Variants in PRR16 observed in about 807,000 individuals in gnomAD.
PRR16 encodes proline rich 16, also known as protein Largen.
In PRR16, 6 loss-of-function variants were observed where a neutral mutation model predicts 18.2. The ratio of observed to expected loss-of-function variants is 0.33; its 90% CI spans 0.18 to 0.65. PRR16 has a LOEUF of 0.65. Ranked by LOEUF, PRR16 falls within the 30% of genes least tolerant of loss-of-function variation. The pLI is 0.74. For missense variants in PRR16, 412 were observed against 376.6 expected, an observed-to-expected ratio of 1.09 and a Z score of -0.78; for synonymous variants, 151 against 147.8, an observed-to-expected ratio of 1.02 and a Z score of -0.16.
chr5:120,627,321 A>G (rs74467953), intron 1 of PRR16, among the ~76,000 whole-genome samples: 8,694 of 152,196 alleles, frequency 0.057, 302 homozygotes, highest in South Asian at 0.082. Context: ...AAATTAGTAG[A>G]TACTTAACAA....
chr5:120,705,891 G>A, the PRR16 span, among the ~76,000 whole-genome samples: 1 of 152,088 alleles, frequency 6.6e-6, no homozygotes, highest in Non-Finnish European at 1.5e-5. Context: ...TAAAAAATAT[G>A]AAGTATTCTA....
chr5:120,525,503 A>C (rs1419928529), intron 1 of PRR16, among the ~76,000 whole-genome samples: 1 of 152,022 alleles, frequency 6.6e-6, no homozygotes, highest in East Asian at 1.9e-4. Context: ...AATATATTAA[A>C]TAGAAGTTTT....
At chr5:120,516,708 A>G (rs577850688) in intron 1 of PRR16, among the ~76,000 whole-genome samples, 2 of 152,280 alleles carry the variant, frequency 1.3e-5, no homozygotes, top group African/African-American at 4.8e-5. Flanking sequence ...AGCAGAATAC[A>G]CTGAAAAACT....
chr5:120,703,997 A>G, the PRR16 span, among the ~76,000 whole-genome samples: 2 of 152,192 alleles, frequency 1.3e-5, no homozygotes, highest in Non-Finnish European at 2.9e-5. Flanking sequence ...GATACTGATG[A>G]TACAGCTGGA....
At chr5:120,664,020 C>T (rs969641028) in intron 1 of PRR16, among the ~76,000 whole-genome samples, 11 of 152,166 alleles carry the variant, frequency 7.2e-5, no homozygotes, top group Non-Finnish European at 5.9e-5. Context: ...CAAATCTGGC[C>T]GGGCGCGGTG....
the PRR16 span, among the ~76,000 whole-genome samples, chr5:120,755,219 AAAAT>A: frequency 1.3e-5 from 2 of 151,960 alleles, no homozygotes; most frequent in African/African-American, 4.8e-5. Context: ...AAATCTAAAA[AAAAT>A]AAAAAATAAT....
At chr5:120,668,893 T>G (rs1461679820) in intron 1 of PRR16, among the ~76,000 whole-genome samples, 1 of 152,200 alleles carries the variant, frequency 6.6e-6, no homozygotes, top group Non-Finnish European at 1.5e-5. Flanking sequence ...TAACATTTTT[T>G]CCTTCATTTC....
At chr5:120,497,550 C>T (rs904608168) in intron 1 of PRR16, among the ~76,000 whole-genome samples, 5 of 151,646 alleles carry the variant, frequency 3.3e-5, no homozygotes, top group African/African-American at 4.8e-5. Flanking sequence ...CCACCACACC[C>T]AGCTAATTTT....
At chr5:120,488,496 C>G (rs754243068) in intron 1 of PRR16, among the ~76,000 whole-genome samples, 5 of 152,210 alleles carry the variant, frequency 3.3e-5, no homozygotes, top group Non-Finnish European at 7.4e-5. Flanking sequence ...GTGGTGATAT[C>G]CCATTTATCA....
At chr5:120,706,085 T>C in the PRR16 span, among the ~76,000 whole-genome samples, 2 of 152,152 alleles carry the variant, frequency 1.3e-5, no homozygotes, top group Non-Finnish European at 1.5e-5. Context: ...GCCTTACAAA[T>C]GATCCCGGTA....
At chr5:120,514,077 T>A (rs183240015) in intron 1 of PRR16, among the ~76,000 whole-genome samples, 106 of 152,312 alleles carry the variant, frequency 7.0e-4, no homozygotes, top group East Asian at 4.6e-3. Flanking sequence ...TTATTCATTA[T>A]CATATGCCCA....
At chr5:120,701,711 C>A in the PRR16 span, among the ~76,000 whole-genome samples, 2 of 151,910 alleles carry the variant, frequency 1.3e-5, no homozygotes, top group Admixed American at 1.3e-4. Context: ...GACTCAGCAA[C>A]GCTTGGGGTT....
intron 1 of PRR16, among the ~76,000 whole-genome samples, chr5:120,602,120 T>A (rs191883580): frequency 7.2e-5 from 11 of 152,224 alleles, no homozygotes; most frequent in Admixed American, 7.2e-4. Context: ...GGTATTTTGA[T>A]AGGAATAACA....
the PRR16 span, among the ~76,000 whole-genome samples, chr5:120,751,718 TGAAA>T: frequency 6.6e-6 from 1 of 151,318 alleles, no homozygotes; most frequent in Admixed American, 6.6e-5. Flanking sequence ...CAACATTTTT[TGAAA>T]GAACAGGTGG....
the PRR16 span, among the ~76,000 whole-genome samples, chr5:120,754,953 C>T: frequency 6.8e-6 from 1 of 146,912 alleles, no homozygotes; most frequent in African/African-American, 2.5e-5. Context: ...GTGTACAAAC[C>T]AGAGAGGAGA....
chr5:120,580,638 G>C (rs1381372254), intron 1 of PRR16, among the ~76,000 whole-genome samples: 1 of 151,826 alleles, frequency 6.6e-6, no homozygotes, highest in African/African-American at 2.4e-5. Context: ...TGTATTTTTA[G>C]TAGAGATGAG....
At chr5:120,645,804 A>G (rs1490511782) in intron 1 of PRR16, among the ~76,000 whole-genome samples, 2 of 151,360 alleles carry the variant, frequency 1.3e-5, no homozygotes, top group African/African-American at 4.8e-5. Context: ...TATCTGCAGC[A>G]CTTCCAGGCA....
chr5:120,588,970 A>G (rs1363750603), intron 1 of PRR16, among the ~76,000 whole-genome samples: 1 of 152,086 alleles, frequency 6.6e-6, no homozygotes, highest in Admixed American at 6.6e-5. Context: ...ATTTCTAGGC[A>G]GAAAAGTCCT....
chr5:120,744,760 T>C, the PRR16 span, among the ~76,000 whole-genome samples: 2 of 152,228 alleles, frequency 1.3e-5, no homozygotes, highest in Admixed American at 6.5e-5. Flanking sequence ...TCTTTTCCCT[T>C]ATCTGACTTT....
Sources: gnomAD v4.1 joint callset for allele counts (sites outside exome capture counted in the v4.1 genomes callset) on GRCh38, gnomAD v4.1.1 for gene constraint, MANE v1.5 for transcripts, NCBI Gene and HGNC (gene_info 2026-07-23, HGNC 2026-07-21) for gene names.